The following FBXL13 variants were observed in gnomAD, a reference collection of about 807,000 sequenced individuals.
FBXL13 encodes the protein F-box and leucine-rich repeat protein 13.
FBXL13 carries 67 observed loss-of-function variants against 83.6 expected under a neutral mutation model. That is an observed-to-expected ratio of 0.80 (90% CI 0.66 to 0.98). The LOEUF (loss-of-function observed/expected upper bound fraction) is 0.98. FBXL13 is among the 50% of genes least tolerant of loss of function. FBXL13 has a pLI of 0.00. For missense variants in FBXL13, 822 were observed against 866.5 expected (o/e 0.95, Z 0.64); for synonymous variants, 272 against 299.5 (o/e 0.91, Z 0.95).
chr7:102,911,682 C>T (rs1697339072), intron 11 of FBXL13, among the ~76,000 whole-genome samples: 1 of 152,130 alleles, frequency 6.6e-6, no homozygotes, highest in Admixed American at 6.5e-5. Flanking sequence ...AGAGAAAGAA[C>T]TTATAATTCC....
Position 102,934,658 on chromosome 7 carries a change from A to G in FBXL13, c.725-2725T>C, listed in dbSNP as rs755854852. On this transcript the variant is annotated intron_variant, in intron 8 of 19. Transcript: ENST00000313221. ...TTTTTGCCACAATTATGTGTTTCCC[A>G]TACAAACACTGGACTGCAAAAGGAA... 1.5e-5 allele frequency: 24 copies of G among 1,599,186 alleles called. No homozygotes were observed. In the Admixed American group the frequency reaches 4.3e-4, roughly 29 times the overall value.
At chr7:103,068,425 C>A (rs185653068) in intron 1 of FBXL13, among the ~76,000 whole-genome samples, 110 of 152,274 alleles carry the variant, frequency 7.2e-4, no homozygotes, top group African/African-American at 2.5e-3. Flanking sequence ...ACAAGACAGT[C>A]TCCCTAGGAT....
At chr7:102,878,562 C>A (rs2129458220) in intron 14 of FBXL13, 112 bp from the exon 16 acceptor site, 1 of 591,122 alleles carries the variant, frequency 1.7e-6, no homozygotes, top group East Asian at 3.5e-5. Context: ...AAGGTAATAT[C>A]TATATACTGG....
chr7:102,979,828 TA>T (rs1294469022), intron 6 of FBXL13, among the ~76,000 whole-genome samples: 3 of 151,932 alleles, frequency 2.0e-5, no homozygotes, highest in Admixed American at 6.6e-5. Flanking sequence ...AACATTGCTG[TA>T]AAAAAATGTA....
intron 6 of FBXL13, among the ~76,000 whole-genome samples, chr7:102,991,999 T>A (rs1231903820): frequency 6.6e-6 from 1 of 152,196 alleles, no homozygotes; most frequent in Non-Finnish European, 1.5e-5. Flanking sequence ...CTCCAGATAC[T>A]ATGGGTCCCA....
intron 14 of FBXL13, among the ~76,000 whole-genome samples, chr7:102,881,981 G>A (rs944911599): frequency 6.6e-6 from 1 of 152,162 alleles, no homozygotes; most frequent in Non-Finnish European, 1.5e-5. Flanking sequence ...TGTGTAGTGG[G>A]CCAGTGCAGT....
intron 2 of FBXL13, among the ~76,000 whole-genome samples, chr7:103,044,124 C>T (rs541672332): frequency 2.0e-5 from 3 of 152,268 alleles, no homozygotes; most frequent in Non-Finnish European, 4.4e-5. Context: ...GATTTAACTA[C>T]CAGCTTGCAT....
chr7:103,028,755 G>A lies in FBXL13; in HGVS notation c.69-7C>T. ...AGCTATGTCTCTCCAAGTGCTGCAG[G>A]CAGAAGACATTTTTTAAAAAATAAT... is the stretch of plus-strand genomic sequence containing the variant. On this transcript the variant is annotated splice_polypyrimidine_tract_variant and splice_region_variant and intron_variant, in intron 3 of 19. Coordinates refer to ENST00000313221, the Ensembl canonical transcript of FBXL13. 1.3e-6 allele frequency: 2 copies of A among 1,536,880 alleles called. No individual in the cohort carries two copies. Among genetic ancestry groups the A allele is most frequent in the Non-Finnish European group, 1.7e-6 (2 of 1,148,142 alleles).
intron 8 of FBXL13, chr7:102,942,413 A>C: frequency 3.0e-6 from 4 of 1,346,742 alleles, no homozygotes; most frequent in Non-Finnish European, 4.0e-6. Context: ...AAAATGCCAG[A>C]CATTGTTGTG....
At chr7:103,072,697 C>T (rs973510900) in intron 1 of FBXL13, among the ~76,000 whole-genome samples, 1 of 152,172 alleles carries the variant, frequency 6.6e-6, no homozygotes, top group Admixed American at 6.5e-5. Context: ...CTTTCTGACC[C>T]CCACCTCCTG....
At chr7:102,986,918 T>TAACACAC (rs1554491869) in intron 6 of FBXL13, among the ~76,000 whole-genome samples, 1 of 148,292 alleles carries the variant, frequency 6.7e-6, no homozygotes, top group Non-Finnish European at 1.5e-5. Flanking sequence ...GAAAATGTGA[T>TAACACAC]ACACACACAC....
intron 1 of FBXL13, among the ~76,000 whole-genome samples, chr7:103,071,333 A>G (rs1798935738): frequency 6.6e-6 from 1 of 152,156 alleles, no homozygotes; most frequent in African/African-American, 2.4e-5. Context: ...AATATCTATC[A>G]ACAGATTCAG....
intron 8 of FBXL13, among the ~76,000 whole-genome samples, chr7:102,962,106 C>G (rs920183485): frequency 2.6e-5 from 4 of 151,110 alleles, no homozygotes; most frequent in East Asian, 2.0e-4. Flanking sequence ...GGCTAATATC[C>G]AGAATCTACA....
chr7:102,846,446 C>T (rs1365679328), intron 17 of FBXL13, among the ~76,000 whole-genome samples: 1 of 152,020 alleles, frequency 6.6e-6, no homozygotes, highest in Non-Finnish European at 1.5e-5. Flanking sequence ...TGGTGAAACA[C>T]CATCTCTACT....
chr7:102,861,982 C>CAAAAAAAA lies in FBXL13; in HGVS notation c.1636-7130_1636-7123dup, dbSNP rs59375342. 2.6e-3 allele frequency among the ~76,000 whole-genome samples: 311 copies of CAAAAAAAA among 119,770 alleles called. 4 individuals carry two copies. The East Asian group carries it at 0.026, about 10-fold the overall frequency. 78.6% of individuals were successfully genotyped at this position (119,770 alleles called of 152,430 possible). A position where few individuals can be genotyped will look rare whatever the true frequency, so the allele number is the denominator to read the frequency against. On this transcript the variant is annotated intron_variant, in intron 16 of 19. Transcript: ENST00000313221. ...GGATGACAGAGTGAGACTGTGTCTCCAAAAAAAAAAAAAAAATTCACATCT... is the reference window on the plus strand; with the variant it reads ...GGATGACAGAGTGAGACTGTGTCTCCAAAAAAAAAAAAAAAAAAAAAAAATTCACATCT...
intron 14 of FBXL13, among the ~76,000 whole-genome samples, chr7:102,879,471 G>GTGTGTGTGTGTGTGT (rs1280348881): frequency 4.6e-5 from 7 of 151,624 alleles, no homozygotes; most frequent in African/African-American, 1.5e-4. Context: ...GTGTGTGTGT[G>GTGTGTGTGTGTGTGT]TAGAAATTCA....
intron 11 of FBXL13, among the ~76,000 whole-genome samples, chr7:102,912,381 CAG>C (rs1436251091): frequency 1.3e-5 from 2 of 152,094 alleles, no homozygotes; most frequent in Non-Finnish European, 2.9e-5. Flanking sequence ...ATAAAATACA[CAG>C]AGAGGCAGAA....
At chr7:102,837,364 C>T (rs917216428) in intron 17 of FBXL13, among the ~76,000 whole-genome samples, 6 of 152,170 alleles carry the variant, frequency 3.9e-5, no homozygotes, top group African/African-American at 1.4e-4. Context: ...ATGGAGAGAA[C>T]TCTGAAAGGG....
At chr7:102,989,504 G>A (rs1829339428) in intron 6 of FBXL13, among the ~76,000 whole-genome samples, 2 of 152,186 alleles carry the variant, frequency 1.3e-5, no homozygotes, top group Non-Finnish European at 2.9e-5. Flanking sequence ...CCCAGGAGAA[G>A]AGGAGGAGTG....
Sources: gnomAD v4.1 joint callset for allele counts (sites outside exome capture counted in the v4.1 genomes callset) on GRCh38, gnomAD v4.1.1 for gene constraint, MANE v1.5 for transcripts, NCBI Gene and HGNC (gene_info 2026-07-23, HGNC 2026-07-21) for gene names.